Variants in TDRD3 observed in about 807,000 individuals in gnomAD.
TDRD3 encodes the protein tudor domain containing 3.
TDRD3 carries 45 observed loss-of-function variants against 86.7 expected under a neutral mutation model. The ratio of observed to expected loss-of-function variants is 0.52; its 90% confidence interval spans 0.41 to 0.67. The LOEUF is 0.67. Among genes scored for constraint, TDRD3 ranks in the 30% least tolerant of loss-of-function variants. The probability of loss-of-function intolerance (pLI) is 0.00; values close to 1 mark genes in which losing one functional copy is unlikely to be tolerated. For missense variants in TDRD3, 814 were observed against 889.0 expected, an observed-to-expected ratio of 0.92 and a Z score of 1.07; for synonymous variants, 298 against 301.7, an observed-to-expected ratio of 0.99 and a Z score of 0.13.
chr13:60,418,204 G>A (rs1236335698), intron 1 of TDRD3, among the ~76,000 whole-genome samples: 1 of 151,892 alleles, frequency 6.6e-6, no homozygotes, highest in Non-Finnish European at 1.5e-5. Context: ...GGTCTCTTAT[G>A]TACATGGTAT....
intron 12 of TDRD3, among the ~76,000 whole-genome samples, chr13:60,550,426 A>G (rs1958022355): frequency 6.6e-6 from 1 of 152,066 alleles, no homozygotes; most frequent in Non-Finnish European, 1.5e-5. Flanking sequence ...TTTCTTCTCA[A>G]TAGTCATGTT....
At chr13:60,417,433 C>T (rs1472297282) in intron 1 of TDRD3, among the ~76,000 whole-genome samples, 1 of 151,470 alleles carries the variant, frequency 6.6e-6, no homozygotes, top group East Asian at 1.9e-4. Flanking sequence ...CCTTTGCCTC[C>T]TGGATTCAAG....
chr13:60,496,077 A>C (rs1297548923), intron 8 of TDRD3, among the ~76,000 whole-genome samples: 3 of 151,780 alleles, frequency 2.0e-5, no homozygotes, highest in Admixed American at 6.6e-5. Flanking sequence ...GTCACCTGCC[A>C]GTATGGCTAC....
chr13:60,510,488 T>A, intron 9 of TDRD3, 142 bp from the exon 10 acceptor site: 2 of 869,672 alleles, frequency 2.3e-6, no homozygotes, highest in Non-Finnish European at 3.0e-6. Context: ...CCTAAAAAAA[T>A]TACTTAAAAG....
Position 60,528,679 on chromosome 13 carries a change from A to G in TDRD3, c.1454A>G (p.Tyr485Cys). ...SRYDRTKDTSYPLGSQHSDGA... is the reference protein window; with the variant it reads ...SRYDRTKDTSCPLGSQHSDGA... ...TATGACAGAACTAAAGATACTTCAT[A>G]TCCTTTAGGTTCTCAGCATAGTGAT... is the stretch of plus-strand genomic sequence containing the variant. The change falls in exon 11 of 14, where the codon TAT (tyrosine) becomes TGT (cysteine). Residue 485 changes from tyrosine (Y) to cysteine (C), a missense_variant. Transcript: ENST00000377881. The G allele has an allele frequency of 1.2e-6, 2 of 1,613,820 alleles. No individual in the cohort carries two copies. Among genetic ancestry groups the G allele is most frequent in the Non-Finnish European group, 8.5e-7 (1 of 1,179,820 alleles).
intron 5 of TDRD3, among the ~76,000 whole-genome samples, chr13:60,482,447 T>G (rs969078880): frequency 1.3e-5 from 2 of 152,220 alleles, no homozygotes; most frequent in Middle Eastern, 3.2e-3. Flanking sequence ...GAGTAAGTAT[T>G]GCTCATGTGC....
intron 11 of TDRD3, among the ~76,000 whole-genome samples, chr13:60,534,789 G>A (rs1399431290): frequency 2.0e-5 from 3 of 151,576 alleles, no homozygotes. Context: ...TTAGCCAGGT[G>A]TGGTGGCACA....
At chr13:60,420,611 A>T (rs1474425577) in intron 1 of TDRD3, among the ~76,000 whole-genome samples, 4 of 152,018 alleles carry the variant, frequency 2.6e-5, no homozygotes, top group South Asian at 2.1e-4. Flanking sequence ...GTAAAAAAAA[A>T]TTTTCTTTAT....
intron 11 of TDRD3, among the ~76,000 whole-genome samples, chr13:60,531,830 T>TAA (rs933585197): frequency 6.6e-6 from 1 of 151,820 alleles, no homozygotes; most frequent in Non-Finnish European, 1.5e-5. Context: ...GAGCCATAGT[T>TAA]AAAAAAAACA....
intron 5 of TDRD3, among the ~76,000 whole-genome samples, chr13:60,478,310 T>C (rs1381474716): frequency 3.6e-5 from 5 of 140,684 alleles, no homozygotes; most frequent in African/African-American, 1.3e-4. Flanking sequence ...TTTTTTTTTT[T>C]TTTTTTTTTG....
intron 5 of TDRD3, among the ~76,000 whole-genome samples, chr13:60,474,190 C>T (rs1566221737): frequency 2.0e-5 from 3 of 152,216 alleles, no homozygotes; most frequent in Admixed American, 1.3e-4. Flanking sequence ...TCCTCTCTCT[C>T]TCTCCGCCTT....
rs189334488 is a variant in TDRD3 at position 60,474,437 on chromosome 13, T to A, written c.495+7058T>A. Among the ~76,000 whole-genome samples the A allele has an allele frequency of 4.6e-4, 70 of 152,336 alleles. No homozygotes were observed. The East Asian group carries it at 0.011, about 23-fold the overall frequency. ...GTTGTGTCTTTATTTCTACATACTC[T>A]CATCTCCACACACGAGGAGAAAAAA... On this transcript the variant is annotated intron_variant, in intron 5 of 13. Transcript: ENST00000377881.
Position 60,529,608 on chromosome 13 carries a change from A to C in TDRD3, c.1992+391A>C, listed in dbSNP as rs771966533. Among the ~76,000 whole-genome samples, 74 of 152,146 alleles carry C rather than the reference A, an allele frequency of 4.9e-4. 1 individual carries two copies. The highest frequency in any genetic ancestry group is 4.7e-4 in the Non-Finnish European group (32 of 68,018). ...TGAGAGGCACAAAGTAAAATTCTGC[A>C]GATTTTCAGTTGAAGAAAATAGTAC... On this transcript the variant is annotated intron_variant, in intron 11 of 13. Transcript: ENST00000377881.
chr13:60,488,496 C>T (rs1489667210), intron 7 of TDRD3, among the ~76,000 whole-genome samples: 2 of 152,058 alleles, frequency 1.3e-5, no homozygotes, highest in African/African-American at 4.8e-5. Flanking sequence ...TTTCATATAC[C>T]TGTTGACCAT....
intron 10 of TDRD3, among the ~76,000 whole-genome samples, chr13:60,518,821 T>G (rs1191500033): frequency 6.6e-6 from 1 of 152,132 alleles, no homozygotes; most frequent in Non-Finnish European, 1.5e-5. Flanking sequence ...TCAGAACTAG[T>G]CTCTGTAAAA....
chr13:60,466,309 C>T (rs1443971441), intron 4 of TDRD3, among the ~76,000 whole-genome samples: 2 of 152,130 alleles, frequency 1.3e-5, no homozygotes, highest in African/African-American at 4.8e-5. Flanking sequence ...TTTCTGTGCA[C>T]AGCTAAAGCT....
At chr13:60,523,068 T>A (rs1424531973) in intron 10 of TDRD3, among the ~76,000 whole-genome samples, 1 of 152,170 alleles carries the variant, frequency 6.6e-6, no homozygotes, top group Non-Finnish European at 1.5e-5. Context: ...GAGGATTACA[T>A]GAAATTATGT....
At chr13:60,457,965 T>C (rs2138041238) in intron 3 of TDRD3, among the ~76,000 whole-genome samples, 1 of 152,290 alleles carries the variant, frequency 6.6e-6, no homozygotes, top group East Asian at 1.9e-4. Context: ...CTTACCTTAA[T>C]TACATCTGAA....
At chr13:60,479,359 T>C (rs1956264462) in intron 5 of TDRD3, among the ~76,000 whole-genome samples, 1 of 152,228 alleles carries the variant, frequency 6.6e-6, no homozygotes, top group Non-Finnish European at 1.5e-5. Context: ...GGTCCAAATG[T>C]GTGCTTGGTA....
Sources: allele counts gnomAD v4.1 joint callset (sites outside exome capture counted in the v4.1 genomes callset), GRCh38; gene constraint gnomAD v4.1.1; transcripts MANE v1.5; gene names NCBI Gene and HGNC (gene_info 2026-07-23, HGNC 2026-07-21).